Variants in NTM observed in about 807,000 individuals in gnomAD.
The protein encoded by NTM is IgLON family member 2.
NTM carries 13 observed loss-of-function variants against 42.1 expected under a neutral mutation model. That is an observed-to-expected ratio of 0.31 (90% CI 0.20 to 0.49). The LOEUF (loss-of-function observed/expected upper bound fraction) is 0.49. NTM is among the 20% of genes least tolerant of loss of function. The pLI, the probability that NTM is intolerant of heterozygous loss-of-function variation, is 0.99. For synonymous variants in NTM, 187 were observed against 179.2 expected (o/e 1.04, Z -0.35); for missense variants, 373 against 452.8 (o/e 0.82, Z 1.60).
intron 2 of NTM, among the ~76,000 whole-genome samples, chr11:132,035,586 A>T (rs143644661): frequency 6.6e-6 from 1 of 152,190 alleles, no homozygotes; most frequent in Non-Finnish European, 1.5e-5. Context: ...TCTGCAGATT[A>T]AATGTTTCAG....
chr11:131,505,848 T>TA (rs2047422626), intron 1 of NTM, among the ~76,000 whole-genome samples: 1 of 152,210 alleles, frequency 6.6e-6, no homozygotes, highest in Non-Finnish European at 1.5e-5. Context: ...GGCTTCTGTT[T>TA]AACTAGCTGT....
chr11:131,446,308 G>A (rs1295911184), intron 1 of NTM, among the ~76,000 whole-genome samples: 1 of 152,104 alleles, frequency 6.6e-6, no homozygotes, highest in Non-Finnish European at 1.5e-5. Context: ...CAGCCTCAGG[G>A]TGTTTTCCCA....
At chr11:131,590,910 C>CCAGT (rs1282534806) in intron 1 of NTM, among the ~76,000 whole-genome samples, 5 of 152,110 alleles carry the variant, frequency 3.3e-5, no homozygotes, top group Non-Finnish European at 5.9e-5. Context: ...GAGTGGATAC[C>CCAGT]CAGTCATCAT....
chr11:131,548,741 C>T (rs1012970799), intron 1 of NTM, among the ~76,000 whole-genome samples: 1 of 152,100 alleles, frequency 6.6e-6, no homozygotes, highest in Non-Finnish European at 1.5e-5. Context: ...GCCTCCAGGT[C>T]TCTTAGTATA....
rs571664299 is a variant in NTM at position 131,516,529 on chromosome 11, C to A, written c.82+145641C>A. Among the ~76,000 whole-genome samples the A allele has an allele frequency of 8.5e-4, 129 of 152,280 alleles. 1 individual carries two copies. Among genetic ancestry groups the A allele is most frequent in the Non-Finnish European group, 1.2e-3 (80 of 68,032 alleles). ...AGTAGCTGGGAATACAGGCACGTAC[C>A]ACCATGCCCAGCTAATTTATCTAGC... On this transcript the variant is annotated intron_variant, in intron 1 of 8. Transcript: ENST00000683400.
intron 3 of NTM, among the ~76,000 whole-genome samples, chr11:132,186,716 A>G (rs2078456449): frequency 1.3e-5 from 2 of 152,210 alleles, no homozygotes; most frequent in African/African-American, 4.8e-5. Flanking sequence ...GAAGGACACT[A>G]TAAGACAAGG....
intron 2 of NTM, among the ~76,000 whole-genome samples, chr11:132,098,639 C>G (rs1472216158): frequency 6.6e-6 from 1 of 152,266 alleles, no homozygotes; most frequent in African/African-American, 2.4e-5. Context: ...AGTCTGGCTA[C>G]TAGCCCATAA....
chr11:131,720,745 C>T (rs1439097082), intron 1 of NTM, among the ~76,000 whole-genome samples: 2 of 152,134 alleles, frequency 1.3e-5, no homozygotes, highest in Non-Finnish European at 2.9e-5. Flanking sequence ...TTACAACTTC[C>T]AACTGTGAAA....
chr11:131,541,654 C>T (rs187565422), intron 1 of NTM, among the ~76,000 whole-genome samples: 64 of 152,286 alleles, frequency 4.2e-4, no homozygotes, highest in African/African-American at 1.5e-3. Context: ...TATAAACAAG[C>T]AATGAGATCT....
At chr11:131,936,210 A>G (rs2059201118) in intron 2 of NTM, among the ~76,000 whole-genome samples, 1 of 152,228 alleles carries the variant, frequency 6.6e-6, no homozygotes, top group African/African-American at 2.4e-5. Context: ...CGTTGGTTAA[A>G]ATTAAAATAA....
chr11:132,069,732 C>T (rs1218621547), intron 2 of NTM, among the ~76,000 whole-genome samples: 2 of 150,920 alleles, frequency 1.3e-5, no homozygotes, highest in South Asian at 4.2e-4. Context: ...CTGACCATCA[C>T]AGGTTAGTTA....
At chr11:131,858,877 C>G (rs1168406275) in intron 1 of NTM, among the ~76,000 whole-genome samples, 2 of 152,204 alleles carry the variant, frequency 1.3e-5, no homozygotes, top group Non-Finnish European at 2.9e-5. Context: ...ATAGTCCCCA[C>G]CCTGCTTCTA....
rs190293839 is a variant in NTM, at chr11:131,598,686, T to C, written c.82+227798T>C. 7.9e-3 allele frequency among the ~76,000 whole-genome samples: 159 copies of C among 20,118 alleles called. 27 individuals carry two copies. Among genetic ancestry groups the C allele is most frequent in the Non-Finnish European group, 0.014 (110 of 8,014 alleles). 13.2% of individuals were successfully genotyped at this position (20,118 alleles called of 152,430 possible). On this transcript the variant is annotated intron_variant, in intron 1 of 8. Coordinates refer to ENST00000683400, the MANE Select transcript of NTM (RefSeq NM_001352005.2). ...ACTACTACTCTCTTCTCATTTGTTT[T>C]CTTTCTTTCTTTCTTTCTTTCTTTC...
chr11:132,024,078 C>T (rs966224218), intron 2 of NTM, among the ~76,000 whole-genome samples: 1 of 151,704 alleles, frequency 6.6e-6, no homozygotes, highest in African/African-American at 2.4e-5. Flanking sequence ...TCGGGCTCCC[C>T]AAGTGCTGGG....
intron 1 of NTM, chr11:131,769,647 C>T (rs532334144): frequency 6.5e-6 from 6 of 919,182 alleles, no homozygotes; most frequent in Non-Finnish European, 7.8e-6. Context: ...ATAGCATGAG[C>T]TCGCTTTTAC....
chr11:132,270,966 TAA>T (rs1484783321), intron 4 of NTM, among the ~76,000 whole-genome samples: 1 of 152,210 alleles, frequency 6.6e-6, no homozygotes, highest in Admixed American at 6.5e-5. Flanking sequence ...TTGGTATATT[TAA>T]AAGTTATACA....
intron 2 of NTM, among the ~76,000 whole-genome samples, chr11:131,980,790 G>A (rs987419382): frequency 6.6e-6 from 1 of 152,166 alleles, no homozygotes; most frequent in East Asian, 1.9e-4. Flanking sequence ...ACAATCCGGA[G>A]TGACCAATTC....
chr11:132,226,512 T>A (rs1351013667), intron 4 of NTM, among the ~76,000 whole-genome samples: 1 of 152,244 alleles, frequency 6.6e-6, no homozygotes, highest in Non-Finnish European at 1.5e-5. Context: ...TGTCTTCTTT[T>A]GAGAAGTGTC....
rs562751860 is a variant in NTM at position 131,407,405 on chromosome 11, C to T, written c.82+36517C>T. Among the ~76,000 whole-genome samples the T allele has an allele frequency of 1.8e-4, 27 of 152,310 alleles. 1 individual carries two copies. In the South Asian group the frequency reaches 5.2e-3, roughly 29 times the overall value. ...TACAATGCCCTGGAAAACAGCACTT[C>T]GTGGAATTGTGTAATATTTTATAGC... On this transcript the variant is annotated intron_variant, in intron 1 of 8. Transcript: ENST00000683400.
Sources: allele counts gnomAD v4.1 joint callset (sites outside exome capture counted in the v4.1 genomes callset), GRCh38; gene constraint gnomAD v4.1.1; transcripts MANE v1.5; gene names NCBI Gene and HGNC (gene_info 2026-07-23, HGNC 2026-07-21).